Variants in SLC24A2 observed in about 807,000 individuals in gnomAD.
The protein encoded by SLC24A2 is solute carrier family 24 member 2, also known as sodium/potassium/calcium exchanger 2.
SLC24A2 carries 36 observed loss-of-function variants against 62.0 expected under a neutral mutation model. The ratio of observed to expected loss-of-function variants is 0.58; its 90% CI spans 0.44 to 0.77. The LOEUF (loss-of-function observed/expected upper bound fraction) is 0.77, where lower values mean the gene tolerates loss of function less well. SLC24A2 is among the 30% of genes least tolerant of loss of function. The probability of loss-of-function intolerance (pLI) is 0.00; values close to 1 mark genes in which losing one functional copy is unlikely to be tolerated. For synonymous variants in SLC24A2, 358 were observed against 294.0 expected, an observed-to-expected ratio of 1.22 and a Z score of -2.23; for missense variants, 846 against 817.9, an observed-to-expected ratio of 1.03 and a Z score of -0.42.
chr9:19,700,879 CT>C (rs1365531754), intron 2 of SLC24A2, among the ~76,000 whole-genome samples: 1 of 152,146 alleles, frequency 6.6e-6, no homozygotes, highest in East Asian at 1.9e-4. Context: ...GGTGTTACTG[CT>C]ATTCTAAGAA....
the SLC24A2 span, among the ~76,000 whole-genome samples, chr9:19,903,783 G>A: frequency 6.6e-6 from 1 of 152,172 alleles, no homozygotes; most frequent in Non-Finnish European, 1.5e-5. Context: ...CCAGTATATG[G>A]CAAAAAAGCG....
the SLC24A2 span, among the ~76,000 whole-genome samples, chr9:20,263,321 T>C: frequency 2.1e-3 from 315 of 152,272 alleles, 2 homozygotes; most frequent in African/African-American, 7.2e-3. Flanking sequence ...GATGTGATTA[T>C]GGCTACTGTA....
At chr9:19,666,546 A>G (rs1327602005) in intron 2 of SLC24A2, among the ~76,000 whole-genome samples, 3 of 152,230 alleles carry the variant, frequency 2.0e-5, no homozygotes, top group Admixed American at 1.3e-4. Context: ...AAGAAAATAA[A>G]AATAATTTTC....
chr9:20,194,229 A>G, the SLC24A2 span, among the ~76,000 whole-genome samples: 3 of 152,254 alleles, frequency 2.0e-5, no homozygotes, highest in East Asian at 5.8e-4. Context: ...AAAGACCAAT[A>G]AATCTGATTA....
At chr9:20,064,782 A>G in the SLC24A2 span, among the ~76,000 whole-genome samples, 2 of 152,200 alleles carry the variant, frequency 1.3e-5, no homozygotes, top group South Asian at 4.1e-4. Context: ...CCAGGAGATT[A>G]AAGAGAATAA....
chr9:19,661,537 A>G (rs546411379), intron 2 of SLC24A2, among the ~76,000 whole-genome samples: 45 of 152,324 alleles, frequency 3.0e-4, no homozygotes, highest in African/African-American at 9.4e-4. Flanking sequence ...ACAATGTTGG[A>G]CCAATTCAGC....
chr9:20,036,876 G>A, the SLC24A2 span, among the ~76,000 whole-genome samples: 4 of 148,144 alleles, frequency 2.7e-5, no homozygotes, highest in Non-Finnish European at 5.9e-5. Context: ...ATGTATATAT[G>A]TGTGTGTGTG....
chr9:19,566,402 C>A (rs1835652401), intron 7 of SLC24A2, among the ~76,000 whole-genome samples: 1 of 146,986 alleles, frequency 6.8e-6, no homozygotes, highest in Admixed American at 6.9e-5. Context: ...CAAATCAAAA[C>A]CACAGTGAGA....
At chr9:20,175,940 C>A in the SLC24A2 span, among the ~76,000 whole-genome samples, 3 of 151,848 alleles carry the variant, frequency 2.0e-5, no homozygotes, top group South Asian at 6.2e-4. Context: ...CTGAAAAAGC[C>A]AGAGAAGAGA....
At chr9:19,974,088 G>A in the SLC24A2 span, among the ~76,000 whole-genome samples, 3 of 152,014 alleles carry the variant, frequency 2.0e-5, no homozygotes, top group African/African-American at 7.2e-5. Flanking sequence ...GTAATATATG[G>A]TTTCCGGTAT....
At position 19,525,385 on chromosome 9, in the gene SLC24A2, TC is replaced by T. The variant is rs1563931895; in HGVS notation, c.1569+2663del. Among the ~76,000 whole-genome samples, 7 of 138,022 alleles carry T rather than the reference TC, an allele frequency of 5.1e-5. 1 individual carries two copies. Among genetic ancestry groups the T allele is most frequent in the East Asian group, 2.3e-4 (1 of 4,378 alleles). The allele number at this position is 138,022 out of a possible 152,430, so 90.5% of individuals were successfully genotyped here. On this transcript the variant is annotated intron_variant, in intron 9 of 10. Coordinates refer to ENST00000341998, the MANE Select transcript of SLC24A2 (RefSeq NM_020344.4). ...TTCTGCAAGGTTTTTTTTTCCTATT[TC>T]TTTACTTTTTTTTTTTTTTTTTTTT...
At chr9:19,781,326 G>C (rs1165010216) in intron 2 of SLC24A2, among the ~76,000 whole-genome samples, 1 of 152,138 alleles carries the variant, frequency 6.6e-6, no homozygotes, top group East Asian at 1.9e-4. Flanking sequence ...GGGGACAAAA[G>C]GAGGGAAGAG....
chr9:19,932,274 G>T, the SLC24A2 span, among the ~76,000 whole-genome samples: 4 of 152,190 alleles, frequency 2.6e-5, no homozygotes, highest in African/African-American at 7.2e-5. Context: ...GAAAGCTTGG[G>T]AAGGATCGTT....
At position 19,756,903 on chromosome 9, in the gene SLC24A2, C is replaced by CTT. The variant is rs780450451; in HGVS notation, c.930+29032_930+29033dup. On this transcript the variant is annotated intron_variant, in intron 2 of 10. Transcript: ENST00000341998. ...GATATTCACACTTCTTTTACTGAAG[C>CTT]TTTTTTTTTTTTTTTTTTTTTTTAG... is the stretch of plus-strand genomic sequence containing the variant. 1.7e-3 allele frequency among the ~76,000 whole-genome samples: 136 copies of CTT among 78,518 alleles called. 6 individuals are homozygous for CTT. The highest frequency in any genetic ancestry group is 2.8e-3 in the African/African-American group (57 of 20,468). 51.5% of individuals were successfully genotyped at this position (78,518 alleles called of 152,430 possible).
the SLC24A2 span, among the ~76,000 whole-genome samples, chr9:19,951,184 T>C: frequency 6.6e-6 from 1 of 152,010 alleles, no homozygotes; most frequent in East Asian, 1.9e-4. Flanking sequence ...TGTCCAAATC[T>C]TCCACCAATT....
At chr9:19,882,888 C>T in the SLC24A2 span, among the ~76,000 whole-genome samples, 1 of 152,178 alleles carries the variant, frequency 6.6e-6, no homozygotes, top group Non-Finnish European at 1.5e-5. Flanking sequence ...GCAGCCGATG[C>T]AGGATTCCTT....
At chr9:19,720,200 C>A (rs761672417) in intron 2 of SLC24A2, among the ~76,000 whole-genome samples, 2 of 152,136 alleles carry the variant, frequency 1.3e-5, no homozygotes, top group Admixed American at 6.5e-5. Context: ...TGCCTTTTTT[C>A]TATTAAAAAT....
the SLC24A2 span, among the ~76,000 whole-genome samples, chr9:20,042,638 G>T: frequency 6.6e-6 from 1 of 152,194 alleles, no homozygotes; most frequent in African/African-American, 2.4e-5. Flanking sequence ...AGCAGAGAAT[G>T]CAGGCATACC....
rs1013251202 is a variant in SLC24A2, at chr9:19,575,158, T to C, written c.1229-1689A>G. Among the ~76,000 whole-genome samples, 16 of 152,326 alleles carry C rather than the reference T, an allele frequency of 1.1e-4. 1 individual carries two copies. Among genetic ancestry groups the C allele is most frequent in the East Asian group, 5.8e-4 (3 of 5,194 alleles). ...GAATAGATTTAAATACGGAAAACCA[T>C]AGAAACTCAAATTTACTTTATCTTT... On this transcript the variant is annotated intron_variant, in intron 6 of 10. Coordinates refer to ENST00000341998, the MANE Select transcript of SLC24A2 (RefSeq NM_020344.4).
Sources: gnomAD v4.1 joint callset for allele counts (sites outside exome capture counted in the v4.1 genomes callset) on GRCh38, gnomAD v4.1.1 for gene constraint, MANE v1.5 for transcripts, NCBI Gene and HGNC (gene_info 2026-07-23, HGNC 2026-07-21) for gene names.